Variants in CERS1 observed in about 807,000 individuals in gnomAD.
CERS1 encodes the protein Embryonic growth/differentiation factor 1.
CERS1 carries 16 observed loss-of-function variants against 35.7 expected under a neutral mutation model. The observed-to-expected ratio is 0.45, with a 90% confidence interval of 0.30 to 0.68. CERS1 has a LOEUF of 0.68. Ranked by LOEUF, CERS1 falls within the 30% of genes least tolerant of loss-of-function variation. The pLI, the probability that CERS1 is intolerant of heterozygous loss-of-function variation, is 0.08. For synonymous variants in CERS1, 243 were observed against 201.6 expected, an observed-to-expected ratio of 1.21 and a Z score of -1.74; for missense variants, 454 against 453.9, an observed-to-expected ratio of 1.00 and a Z score of 0.00.
In CERS1 at chr19:18,878,579, C is replaced by G. The variant is rs2056109302; in HGVS notation, c.1010+351G>C. 6.4e-6 allele frequency: 7 copies of G among 1,097,846 alleles called. No individual in the cohort carries two copies. The highest frequency in any genetic ancestry group is 7.8e-6 in the Non-Finnish European group (7 of 896,128). 68.0% of individuals were successfully genotyped at this position (1,097,846 alleles called of 1,614,324 possible). ...TCCAGTGGCGACATGGGTCAGAGGT[C>G]GTCATCCAGGCTGGCCAGCAACTAC... On this transcript the variant is annotated intron_variant, in intron 6 of 7. Coordinates refer to ENST00000623882, the MANE Select transcript of CERS1 (RefSeq NM_021267.5). The surrounding 1 kb of genome is among the most constrained non-coding windows in gnomAD (Gnocchi z 4.6).
chr19:18,887,514 G>A (rs1030364858), intron 2 of CERS1, among the ~76,000 whole-genome samples: 2 of 152,158 alleles, frequency 1.3e-5, no homozygotes, highest in Non-Finnish European at 2.9e-5. Context: ...GGAGGTGGAG[G>A]CAGGTGGATC....
Position 18,870,483 on chromosome 19 carries a change from C to A in CERS1, c.*94G>T. On this transcript the variant is annotated 3_prime_UTR_variant, in exon 7 of 8. Transcript: ENST00000623882. The surrounding 1 kb of genome is among the most constrained non-coding windows in gnomAD (Gnocchi z 5.1). ...GGAGGTGGCGGCGGCCCTAGAGGAG[C>A]AGAGTTGGAGGGGGTGGAGGGGCGG... 2.4e-6 allele frequency: 1 copy of A among 411,934 alleles called. No homozygotes were observed. The highest frequency in any genetic ancestry group is 4.3e-6 in the Non-Finnish European group (1 of 234,980). 25.5% of individuals were successfully genotyped at this position (411,934 alleles called of 1,614,324 possible). A position where few individuals can be genotyped will look rare whatever the true frequency, so the allele number is the denominator to read the frequency against.
Position 18,868,920 on chromosome 19 carries a change from CG to C in CERS1, c.*1064del. ...ACGTACAGCCGCCGCGCGCGACAAGCGCCCCCGGGGCCGCCGCCCAACACGG... is the reference window on the plus strand; with the variant it reads ...ACGTACAGCCGCCGCGCGCGACAAGCCCCCCGGGGCCGCCGCCCAACACGG... On this transcript the variant is annotated 3_prime_UTR_variant, in exon 8 of 8. Transcript: ENST00000623882. The C allele has an allele frequency of 7.4e-7, 1 of 1,360,164 alleles. No homozygotes were observed. The highest frequency in any genetic ancestry group is 9.6e-7 in the Non-Finnish European group (1 of 1,047,030). 84.3% of individuals were successfully genotyped at this position (1,360,164 alleles called of 1,614,324 possible).
intron 6 of CERS1, among the ~76,000 whole-genome samples, chr19:18,874,340 G>A (rs1432369685): frequency 6.6e-6 from 1 of 152,200 alleles, no homozygotes; most frequent in Non-Finnish European, 1.5e-5. Flanking sequence ...GTCTTGCTCT[G>A]TTACCGCAGC....
chr19:18,880,542 G>A, intron 3 of CERS1, 107 bp from the exon 4 acceptor site: 1 of 1,161,610 alleles, frequency 8.6e-7, no homozygotes, highest in Admixed American at 2.8e-5. Flanking sequence ...GGCTCCCCGT[G>A]GGCCTCTTCA....
chr19:18,868,619 A>ACCACCATGTCCT lies in CERS1; in HGVS notation c.*1354_*1365dup. 6.4e-7 allele frequency: 1 copy of ACCACCATGTCCT among 1,567,846 alleles called. No individual in the cohort carries two copies. Among genetic ancestry groups the ACCACCATGTCCT allele is most frequent in the Non-Finnish European group, 8.6e-7 (1 of 1,156,500 alleles). On this transcript the variant is annotated 3_prime_UTR_variant, in exon 8 of 8. Coordinates refer to ENST00000623882, the MANE Select transcript of CERS1 (RefSeq NM_021267.5). Reference sequence around the variant, plus strand: ...GGGTTAGCGGCAGCCGCACTCGTCCACCACCATGTCCTCATACTGCCGCAG... The same window carrying ACCACCATGTCCT: ...GGGTTAGCGGCAGCCGCACTCGTCCACCACCATGTCCTCCACCATGTCCTCATACTGCCGCAG...
At chr19:18,880,721 CAGGG>C (rs2056183764) in intron 3 of CERS1, among the ~76,000 whole-genome samples, 1 of 151,880 alleles carries the variant, frequency 6.6e-6, no homozygotes, top group Admixed American at 6.6e-5. Flanking sequence ...TCTTTTGAGA[CAGGG>C]TCTTGCTCTG....
intron 2 of CERS1, among the ~76,000 whole-genome samples, chr19:18,891,439 G>A (rs967443230): frequency 9.2e-5 from 14 of 152,286 alleles, no homozygotes; most frequent in South Asian, 4.1e-4. Context: ...GCCCAGTGGC[G>A]ATGCCGGCCC....
rs544705786 is a variant in CERS1, at chr19:18,884,874, C to T, written c.410-607G>A. ...GATTACAGGCGCTGGACACCATGCCCGGCTAATTTTTTTGTATTTTTAGTA... is the reference window on the plus strand; with the variant it reads ...GATTACAGGCGCTGGACACCATGCCTGGCTAATTTTTTTGTATTTTTAGTA... On this transcript the variant is annotated intron_variant, in intron 2 of 7. Coordinates refer to ENST00000623882, the MANE Select transcript of CERS1 (RefSeq NM_021267.5). Among the ~76,000 whole-genome samples, 260 of 151,616 alleles carry T rather than the reference C, an allele frequency of 1.7e-3. 1 individual carries two copies. Among genetic ancestry groups the T allele is most frequent in the Middle Eastern group, 6.8e-3 (2 of 294 alleles).
At chr19:18,871,259 C>G (rs1183624745) in intron 6 of CERS1, among the ~76,000 whole-genome samples, 3 of 146,162 alleles carry the variant, frequency 2.1e-5, no homozygotes, top group Non-Finnish European at 3.0e-5. Context: ...CAGAATCTTG[C>G]TCTGTTGCCT....
chr19:18,893,909 G>GT lies in CERS1; in HGVS notation c.250-335dup, dbSNP rs1244431365. Among the ~76,000 whole-genome samples, 18 of 151,832 alleles carry GT rather than the reference G, an allele frequency of 1.2e-4. No homozygotes were observed. The East Asian group carries it at 3.3e-3, about 28-fold the overall frequency. ...GCGTCAGCCCAAGGGAGTTGGGCTG[G>GT]TGGGGGTGACCCTTGAAGGGAACAT... is the stretch of plus-strand genomic sequence containing the variant. On this transcript the variant is annotated intron_variant, in intron 1 of 7. Transcript: ENST00000623882.
At chr19:18,879,636 C>T (rs2056148544) in intron 4 of CERS1, among the ~76,000 whole-genome samples, 1 of 149,370 alleles carries the variant, frequency 6.7e-6, no homozygotes, top group South Asian at 2.1e-4. Context: ...CGCCAAGGCC[C>T]CACCTCCTCC....
intron 2 of CERS1, among the ~76,000 whole-genome samples, chr19:18,884,524 C>T (rs2056301783): frequency 6.6e-6 from 1 of 151,638 alleles, no homozygotes. Flanking sequence ...TCTCCTGCTT[C>T]AGCCTCCTGA....
chr19:18,878,242 C>T lies in CERS1; in HGVS notation c.1010+688G>A. The T allele has an allele frequency of 2.0e-6, 2 of 985,806 alleles. No homozygotes were observed. Among genetic ancestry groups the T allele is most frequent in the Non-Finnish European group, 2.4e-6 (2 of 830,264 alleles). 61.1% of individuals were successfully genotyped at this position (985,806 alleles called of 1,614,324 possible). ...CTCACGTTGCCTATGAGACACTGCACACCCGACTCTGCTTGTTACCCAGTT... is the reference window on the plus strand; with the variant it reads ...CTCACGTTGCCTATGAGACACTGCATACCCGACTCTGCTTGTTACCCAGTT... On this transcript the variant is annotated intron_variant, in intron 6 of 7. Coordinates refer to ENST00000623882, the MANE Select transcript of CERS1 (RefSeq NM_021267.5). This position sits in a 1 kb window ranked among gnomAD's most constrained non-coding sequence, Gnocchi z 4.6.
chr19:18,872,313 T>C (rs987917268), intron 6 of CERS1, among the ~76,000 whole-genome samples: 2 of 152,216 alleles, frequency 1.3e-5, no homozygotes, highest in Non-Finnish European at 2.9e-5. Flanking sequence ...TGTACCCACC[T>C]TGGGGGAGAT....
At chr19:18,872,930 G>A (rs896630195) in intron 6 of CERS1, among the ~76,000 whole-genome samples, 1 of 152,208 alleles carries the variant, frequency 6.6e-6, no homozygotes, top group Admixed American at 6.5e-5. Flanking sequence ...ATTTATGGGC[G>A]TGAGCCACCA....
In CERS1 at chr19:18,870,000, C is replaced by A; in HGVS notation, c.*577G>T. The stretch of plus-strand genomic sequence containing the variant: ...CCACTCACCGCGGTCCGGGATGTGG[C>A]GCACGATGTTTCCGGCGACCCCCAG... On this transcript the variant is annotated 3_prime_UTR_variant, in exon 7 of 8. Coordinates refer to ENST00000623882, the MANE Select transcript of CERS1 (RefSeq NM_021267.5). 3 of 1,595,504 alleles carry A rather than the reference C, an allele frequency of 1.9e-6. No individual in the cohort carries two copies. Among genetic ancestry groups the A allele is most frequent in the Non-Finnish European group, 1.7e-6 (2 of 1,172,662 alleles).
chr19:18,896,029 G>A lies in CERS1; in HGVS notation c.44C>T (p.Pro15Leu), dbSNP rs1489329595. 1 of 997,140 alleles carries A rather than the reference G, an allele frequency of 1.0e-6. No individual in the cohort carries two copies. Among genetic ancestry groups the A allele is most frequent in the South Asian group, 4.4e-5 (1 of 22,866 alleles). 61.8% of individuals were successfully genotyped at this position (997,140 alleles called of 1,614,324 possible). A position where few individuals can be genotyped will look rare whatever the true frequency, so the allele number is the denominator to read the frequency against. The change falls in exon 1 of 8, where the codon CCC becomes CTC. Residue 15 changes from proline (P) to leucine (L), a missense_variant. Physicochemically the swap from Pro to Leu is moderately conservative, Grantham distance 98. Transcript: ENST00000623882. The surrounding 1 kb of genome is among the most constrained non-coding windows in gnomAD (Gnocchi z 5.9). ...CACTAGCTGCGCGTAGCTCGGCATG[G>A]GCTCGGGCCCCGTCGGCCCCGCCGC... is the stretch of plus-strand genomic sequence containing the variant. ...GPAAGPTGPE[P>L]MPSYAQLVQR...
Position 18,877,868 on chromosome 19 carries a change from G to A in CERS1, c.1010+1062C>T, listed in dbSNP as rs147666740. On this transcript the variant is annotated intron_variant, in intron 6 of 7. Coordinates refer to ENST00000623882, the MANE Select transcript of CERS1 (RefSeq NM_021267.5). ...TCTGCCAGAACCCATGTGACCCTCT[G>A]CCCCAATCCCATCTCAGTCAATACC... The A allele has an allele frequency of 7.7e-4, 519 of 671,998 alleles. No homozygotes were observed. The Middle Eastern group carries it at 0.011, about 14-fold the overall frequency. 41.6% of individuals were successfully genotyped at this position (671,998 alleles called of 1,614,324 possible).
Sources: allele counts gnomAD v4.1 joint callset (sites outside exome capture counted in the v4.1 genomes callset), GRCh38; gene constraint gnomAD v4.1.1; non-coding constraint Gnocchi (gnomAD v3.1); transcripts MANE v1.5; gene names NCBI Gene and HGNC (gene_info 2026-07-23, HGNC 2026-07-21).